The following REV1 variants were observed in gnomAD, a reference collection of about 807,000 sequenced individuals.
REV1 encodes REV1 DNA directed polymerase.
Under a neutral mutation model 137.4 loss-of-function variants are expected in REV1, and 42 were observed. The observed-to-expected ratio is 0.31, with a 90% CI of 0.24 to 0.40. The LOEUF is 0.40. Ranked by LOEUF, REV1 falls within the 10% of genes least tolerant of loss-of-function variation. The probability of loss-of-function intolerance (pLI) is 1.00; values close to 1 mark genes in which losing one functional copy is unlikely to be tolerated. For missense variants in REV1, 1,282 were observed against 1,490.1 expected (o/e 0.86, Z 2.30); for synonymous variants, 524 against 519.2 (o/e 1.01, Z -0.12).
intron 4 of REV1, among the ~76,000 whole-genome samples, chr2:99,447,797 G>A (rs974352135): frequency 1.3e-5 from 2 of 150,936 alleles, no homozygotes; most frequent in Admixed American, 6.6e-5. Flanking sequence ...TCAGCTCACT[G>A]GAGCCTCCCA....
At chr2:99,407,226 C>G (rs1676453568) in intron 15 of REV1, among the ~76,000 whole-genome samples, 1 of 150,596 alleles carries the variant, frequency 6.6e-6, no homozygotes, top group African/African-American at 2.4e-5. Flanking sequence ...GTAGCTGGGA[C>G]TATGAGGCAT....
In REV1 at chr2:99,470,276, A is replaced by G. The variant is rs553539362; in HGVS notation, c.-10-5291T>C. Among the ~76,000 whole-genome samples the G allele has an allele frequency of 3.3e-5, 5 of 152,334 alleles. No individual in the cohort carries two copies. In the South Asian group the frequency reaches 8.3e-4, roughly 25 times the overall value. On this transcript the variant is annotated intron_variant, in intron 1 of 22. Transcript: ENST00000258428. ...CTGATGGTTACATATCTGTAACTCT[A>G]AAGTCTGTTGATTAACTAATGAAAT...
intron 12 of REV1, among the ~76,000 whole-genome samples, chr2:99,416,697 C>A (rs1376612523): frequency 6.6e-6 from 1 of 151,872 alleles, no homozygotes; most frequent in African/African-American, 2.4e-5. Flanking sequence ...GAGGCCGAGG[C>A]GGGCGGATCA....
intron 17 of REV1, chr2:99,405,496 A>C (rs1218003051): frequency 6.4e-6 from 1 of 156,238 alleles, no homozygotes; most frequent in Non-Finnish European, 1.4e-5. Flanking sequence ...TGTACAGCCC[A>C]CACACGCTGA....
Position 99,462,500 on chromosome 2 carries a change from G to A in REV1, c.177C>T (p.Tyr59=). The A allele has an allele frequency of 1.2e-6, 2 of 1,610,980 alleles. No homozygotes were observed. Among genetic ancestry groups the A allele is most frequent in the Non-Finnish European group, 1.7e-6 (2 of 1,178,888 alleles). The change falls in exon 3 of 23, where the codon TAC becomes TAT. Residue 59 remains tyrosine (Y), a synonymous_variant. Transcript: ENST00000258428. The part of the protein sequence containing the change: ...FSGVAIYVNG[Y]TDPSAEELRK... ...GTTAAGTAAAAAGTACTCAACCTGTGTATCCATTAACATAGATGGCAACTC... is the reference window on the plus strand; with the variant it reads ...GTTAAGTAAAAAGTACTCAACCTGTATATCCATTAACATAGATGGCAACTC...
At chr2:99,407,551 A>C (rs993076859) in intron 15 of REV1, among the ~76,000 whole-genome samples, 2 of 134,524 alleles carry the variant, frequency 1.5e-5, no homozygotes, top group Non-Finnish European at 3.2e-5. Flanking sequence ...AAACTGTCTC[A>C]AAAAAAAAAA....
At position 99,401,206 on chromosome 2, in the gene REV1, C is replaced by A; in HGVS notation, c.*35G>T. Reference sequence around the variant, plus strand: ...AAATACCTCACAAGCACTTATGGCACAGCTATCAGAGAGCATCAGGCTCTC... The same window carrying A: ...AAATACCTCACAAGCACTTATGGCAAAGCTATCAGAGAGCATCAGGCTCTC... On this transcript the variant is annotated 3_prime_UTR_variant, in exon 23 of 23. Transcript: ENST00000258428. The A allele has an allele frequency of 1.5e-6, 2 of 1,298,256 alleles. No homozygotes were observed. Among genetic ancestry groups the A allele is most frequent in the Non-Finnish European group, 2.2e-6 (2 of 893,884 alleles). The allele number at this position is 1,298,256 out of a possible 1,614,324, so 80.4% of individuals were successfully genotyped here.
In REV1 at chr2:99,420,285, G is replaced by A. The variant is rs1035697903; in HGVS notation, c.1831+1214C>T. Among the ~76,000 whole-genome samples, 4 of 152,128 alleles carry A rather than the reference G, an allele frequency of 2.6e-5. No individual in the cohort carries two copies. The East Asian group carries it at 5.8e-4, about 22-fold the overall frequency. On this transcript the variant is annotated intron_variant, in intron 11 of 22. Transcript: ENST00000258428. ...AAATCCTGCTGGCTGGGGAGAGACT[G>A]CCCTCCCAGGGCTGGCTAATTCCTA...
At chr2:99,418,362 T>C (rs548071122) in intron 12 of REV1, among the ~76,000 whole-genome samples, 1 of 152,270 alleles carries the variant, frequency 6.6e-6, no homozygotes, top group Admixed American at 6.5e-5. Context: ...GTTTCCTTTT[T>C]CCTAATACAG....
chr2:99,410,653 A>G (rs933584523), intron 14 of REV1, 42 bp downstream of exon 14: 6 of 1,494,256 alleles, frequency 4.0e-6, no homozygotes, highest in Non-Finnish European at 5.4e-6. Context: ...AACAACCTGT[A>G]CTGAAATATA....
At chr2:99,440,043 T>C (rs1262761600) in intron 5 of REV1, among the ~76,000 whole-genome samples, 1 of 152,158 alleles carries the variant, frequency 6.6e-6, no homozygotes, top group Non-Finnish European at 1.5e-5. Flanking sequence ...ACGCTTGCCT[T>C]ACTGAGAAGG....
chr2:99,481,624 A>G (rs1365827519), intron 1 of REV1, among the ~76,000 whole-genome samples: 2 of 152,204 alleles, frequency 1.3e-5, no homozygotes, highest in Non-Finnish European at 2.9e-5. Context: ...GCACTCTGGG[A>G]GGCCAAGGCA....
chr2:99,401,623 T>C (rs1675436119), intron 22 of REV1, among the ~76,000 whole-genome samples: 1 of 151,988 alleles, frequency 6.6e-6, no homozygotes, highest in South Asian at 2.1e-4. Context: ...GGCACATGCC[T>C]ATAATCCCAG....
chr2:99,429,956 A>G lies in REV1; in HGVS notation c.1439-8T>C. On this transcript the variant is annotated splice_polypyrimidine_tract_variant and splice_region_variant and intron_variant, in intron 8 of 22. Coordinates refer to ENST00000258428, the MANE Select transcript of REV1 (RefSeq NM_016316.4). ...ATGAATCTGGTATATCTGCTTTAAA[A>G]ATAAAAAAAAATTAATGGTTATATG... is the stretch of plus-strand genomic sequence containing the variant. 6.6e-7 allele frequency: 1 copy of G among 1,516,824 alleles called. No individual in the cohort carries two copies. Among genetic ancestry groups the G allele is most frequent in the Non-Finnish European group, 8.9e-7 (1 of 1,118,140 alleles). The allele number at this position is 1,516,824 out of a possible 1,614,324, so 94.0% of individuals were successfully genotyped here.
At chr2:99,483,847 G>C (rs143616498) in intron 1 of REV1, among the ~76,000 whole-genome samples, 1 of 152,202 alleles carries the variant, frequency 6.6e-6, no homozygotes, top group African/African-American at 2.4e-5. Context: ...TCTTTAGCAG[G>C]CAAATGACTC....
At chr2:99,444,789 T>G (rs773515762) in intron 4 of REV1, among the ~76,000 whole-genome samples, 1 of 152,188 alleles carries the variant, frequency 6.6e-6, no homozygotes, top group Non-Finnish European at 1.5e-5. Flanking sequence ...TGAAAGCATA[T>G]TTGTATAAGA....
At chr2:99,401,648 G>C (rs566828790) in intron 22 of REV1, among the ~76,000 whole-genome samples, 1 of 152,302 alleles carries the variant, frequency 6.6e-6, no homozygotes, top group East Asian at 1.9e-4. Flanking sequence ...CCGGGAGGCT[G>C]AGGCAGGAGA....
chr2:99,419,344 C>G (rs1487615588), intron 11 of REV1, among the ~76,000 whole-genome samples: 2 of 151,598 alleles, frequency 1.3e-5, no homozygotes, highest in Non-Finnish European at 2.9e-5. Context: ...TCCCGAGTAG[C>G]TGGGACTACA....
intron 3 of REV1, among the ~76,000 whole-genome samples, chr2:99,455,515 C>G (rs889298356): frequency 1.3e-5 from 2 of 152,076 alleles, no homozygotes; most frequent in African/African-American, 4.8e-5. Flanking sequence ...TTTTTGAGTA[C>G]CAACTAGGTG....
Sources: allele counts gnomAD v4.1 joint callset (sites outside exome capture counted in the v4.1 genomes callset), GRCh38; gene constraint gnomAD v4.1.1; transcripts MANE v1.5; gene names NCBI Gene and HGNC (gene_info 2026-07-23, HGNC 2026-07-21).